Variants in HECW1 observed in about 807,000 individuals in gnomAD.
The protein encoded by HECW1 is E3 ubiquitin-protein ligase HECW1.
Under a neutral mutation model 182.3 loss-of-function variants are expected in HECW1, and 61 were observed. That is an observed-to-expected ratio of 0.33 (90% CI 0.27 to 0.41). The LOEUF (loss-of-function observed/expected upper bound fraction) is 0.41. HECW1 is among the 10% of genes least tolerant of loss of function. The probability of loss-of-function intolerance (pLI) is 1.00; values close to 1 mark genes in which losing one functional copy is unlikely to be tolerated. For synonymous variants in HECW1, 859 were observed against 832.6 expected (o/e 1.03, Z -0.55); for missense variants, 1,739 against 2,108.9 (o/e 0.82, Z 3.44).
chr7:43,545,807 CTTG>C (rs2081535658), intron 26 of HECW1, among the ~76,000 whole-genome samples: 1 of 148,414 alleles, frequency 6.7e-6, no homozygotes, highest in Non-Finnish European at 1.5e-5. Context: ...AAGGTTTGGT[CTTG>C]TTGTCTCGGG....
chr7:43,208,418 T>C (rs1167594267), intron 2 of HECW1, among the ~76,000 whole-genome samples: 2 of 152,256 alleles, frequency 1.3e-5, no homozygotes, highest in Non-Finnish European at 2.9e-5. Flanking sequence ...TTAAGTGTTC[T>C]CTTCAGCTGT....
chr7:43,120,389 G>A (rs1404577912), intron 2 of HECW1, among the ~76,000 whole-genome samples: 1 of 151,900 alleles, frequency 6.6e-6, no homozygotes. Flanking sequence ...ATACCACTTA[G>A]CACCACGCAA....
intron 3 of HECW1, chr7:43,274,603 G>A: frequency 2.4e-6 from 1 of 423,014 alleles, no homozygotes; most frequent in Non-Finnish European, 4.5e-6. Flanking sequence ...CTCGCCCCGG[G>A]TGTGCCCCAA....
chr7:43,456,521 A>C, intron 13 of HECW1, 74 bp downstream of exon 13: 1 of 1,454,542 alleles, frequency 6.9e-7, no homozygotes, highest in Non-Finnish European at 9.4e-7. Flanking sequence ...CGCTCCCCTT[A>C]CACTTTTCTG....
chr7:43,146,830 C>A (rs898328696), intron 2 of HECW1, among the ~76,000 whole-genome samples: 1 of 152,204 alleles, frequency 6.6e-6, no homozygotes, highest in Non-Finnish European at 1.5e-5. Context: ...ACAGACAGCT[C>A]ATGGCCCATT....
chr7:43,352,577 G>T (rs1814600775), intron 5 of HECW1, among the ~76,000 whole-genome samples: 1 of 152,100 alleles, frequency 6.6e-6, no homozygotes, highest in Admixed American at 6.5e-5. Context: ...TTAAATCCTA[G>T]GTCTGCCATG....
intron 2 of HECW1, among the ~76,000 whole-genome samples, chr7:43,120,639 T>G (rs1785502783): frequency 6.6e-6 from 1 of 151,948 alleles, no homozygotes; most frequent in African/African-American, 2.4e-5. Flanking sequence ...CCTCTATTTA[T>G]TTATTTATTT....
At chr7:43,188,001 G>C in intron 2 of HECW1, among the ~76,000 whole-genome samples, 2 of 152,280 alleles carry the variant, frequency 1.3e-5, no homozygotes, top group Middle Eastern at 6.8e-3. Flanking sequence ...TTTTGGCACC[G>C]TAGCACATAC....
intron 5 of HECW1, among the ~76,000 whole-genome samples, chr7:43,324,946 G>C (rs1157454842): frequency 6.6e-6 from 1 of 151,856 alleles, no homozygotes; most frequent in Non-Finnish European, 1.5e-5. Flanking sequence ...TTTTCTTTGG[G>C]GATAATGATT....
intron 19 of HECW1, among the ~76,000 whole-genome samples, chr7:43,500,394 C>T (rs769344615): frequency 3.3e-5 from 5 of 151,966 alleles, no homozygotes; most frequent in African/African-American, 4.8e-5. Context: ...CACTGTGCCC[C>T]GCCCCAGAAC....
chr7:43,468,369 G>A (rs1175622916), intron 15 of HECW1, among the ~76,000 whole-genome samples: 2 of 152,182 alleles, frequency 1.3e-5, no homozygotes, highest in African/African-American at 2.4e-5. Context: ...CAGGTAGAGG[G>A]AGGCCAAGGA....
intron 19 of HECW1, among the ~76,000 whole-genome samples, chr7:43,499,300 T>A (rs1046249491): frequency 1.3e-4 from 20 of 151,866 alleles, no homozygotes; most frequent in Admixed American, 2.6e-4. Context: ...TAAAAAATTT[T>A]TTAAAGAAAA....
chr7:43,448,792 A>G (rs1224937804), intron 11 of HECW1, among the ~76,000 whole-genome samples: 1 of 152,254 alleles, frequency 6.6e-6, no homozygotes, highest in Non-Finnish European at 1.5e-5. Flanking sequence ...TATATTATTT[A>G]TAAATAGAAG....
intron 6 of HECW1, among the ~76,000 whole-genome samples, chr7:43,396,440 AC>A (rs2075234558): frequency 6.6e-6 from 1 of 152,270 alleles, no homozygotes; most frequent in Non-Finnish European, 1.5e-5. Flanking sequence ...CATTATAATT[AC>A]AATAGTAAAC....
intron 3 of HECW1, among the ~76,000 whole-genome samples, chr7:43,268,430 G>A (rs1802022914): frequency 6.6e-6 from 1 of 152,206 alleles, no homozygotes; most frequent in Admixed American, 6.5e-5. Flanking sequence ...TCTCACCTGG[G>A]GGTGATTTTG....
intron 16 of HECW1, among the ~76,000 whole-genome samples, chr7:43,479,362 T>A (rs1333023523): frequency 2.0e-5 from 3 of 152,120 alleles, no homozygotes; most frequent in Non-Finnish European, 4.4e-5. Flanking sequence ...GCACCACTGA[T>A]CTGACAGGAG....
chr7:43,256,865 G>T (rs1414791068), intron 3 of HECW1, among the ~76,000 whole-genome samples: 1 of 151,996 alleles, frequency 6.6e-6, no homozygotes, highest in Non-Finnish European at 1.5e-5. Flanking sequence ...AGAAAGTAAG[G>T]TATATAAACC....
At chr7:43,304,439 GCATT>G (rs1304033032) in intron 3 of HECW1, among the ~76,000 whole-genome samples, 1 of 151,706 alleles carries the variant, frequency 6.6e-6, no homozygotes. Context: ...ACCCACAAGT[GCATT>G]CATTCATTCA....
At chr7:43,400,070 A>G (rs2075356563) in intron 7 of HECW1, among the ~76,000 whole-genome samples, 1 of 152,046 alleles carries the variant, frequency 6.6e-6, no homozygotes, top group Non-Finnish European at 1.5e-5. Context: ...TCCCATTGCT[A>G]CAAAAAGTAA....
Sources: allele counts gnomAD v4.1 joint callset (sites outside exome capture counted in the v4.1 genomes callset), GRCh38; gene constraint gnomAD v4.1.1; transcripts MANE v1.5; gene names NCBI Gene and HGNC (gene_info 2026-07-23, HGNC 2026-07-21).